SLC44A5: variants seen among roughly 807,000 people sequenced by gnomAD.
The protein encoded by SLC44A5 is solute carrier family 44 member 5, also known as choline transporter-like protein 5.
SLC44A5 carries 57 observed loss-of-function variants against 101.8 expected under a neutral mutation model. The ratio of observed to expected loss-of-function variants is 0.56; its 90% CI spans 0.45 to 0.70. The LOEUF (loss-of-function observed/expected upper bound fraction) is 0.70, where lower values mean the gene tolerates loss of function less well. SLC44A5 is among the 30% of genes least tolerant of loss of function. The probability of loss-of-function intolerance (pLI) is 0.00; values close to 1 mark genes in which losing one functional copy is unlikely to be tolerated. For missense variants in SLC44A5, 737 were observed against 853.1 expected (o/e 0.86, Z 1.70); for synonymous variants, 281 against 290.9 (o/e 0.97, Z 0.35).
the SLC44A5 span, among the ~76,000 whole-genome samples, chr1:75,617,479 G>T: frequency 6.6e-6 from 1 of 152,064 alleles, no homozygotes; most frequent in African/African-American, 2.4e-5. Flanking sequence ...TGATATGTGC[G>T]ATATCATCTC....
intron 3 of SLC44A5, among the ~76,000 whole-genome samples, chr1:75,351,868 A>AGAG (rs56821070): frequency 0.04 from 2,238 of 56,066 alleles, 14 homozygotes; most frequent in Non-Finnish European, 0.046. Flanking sequence ...AAAAAAAAAA[A>AGAG]AGAGAGAGAG....
intron 3 of SLC44A5, among the ~76,000 whole-genome samples, chr1:75,355,474 AAATT>A (rs1311161331): frequency 6.6e-6 from 1 of 152,216 alleles, no homozygotes; most frequent in Non-Finnish European, 1.5e-5. Context: ...TCATGATGTG[AAATT>A]ATTTACGATA....
At chr1:75,292,635 G>T (rs1557629827) in intron 5 of SLC44A5, among the ~76,000 whole-genome samples, 1 of 152,146 alleles carries the variant, frequency 6.6e-6, no homozygotes. Context: ...CAGTCTCAGA[G>T]GGGCAAGACT....
chr1:75,587,468 T>C (rs1674074104), intron 1 of SLC44A5, among the ~76,000 whole-genome samples: 2 of 152,186 alleles, frequency 1.3e-5, no homozygotes, highest in South Asian at 4.1e-4. Flanking sequence ...CCTGGCCAGT[T>C]CATTCATCAT....
At chr1:75,456,409 C>G (rs780315975) in intron 2 of SLC44A5, among the ~76,000 whole-genome samples, 3 of 152,134 alleles carry the variant, frequency 2.0e-5, no homozygotes, top group African/African-American at 7.2e-5. Context: ...TGCTCAGTAC[C>G]TGGGTGACAG....
At chr1:75,210,580 T>A (rs1646834544) in intron 23 of SLC44A5, among the ~76,000 whole-genome samples, 1 of 152,214 alleles carries the variant, frequency 6.6e-6, no homozygotes, top group African/African-American at 2.4e-5. Context: ...CCTTGTCATC[T>A]TGGCTTTATC....
intron 2 of SLC44A5, among the ~76,000 whole-genome samples, chr1:75,451,137 C>T (rs1052103534): frequency 3.3e-5 from 5 of 152,180 alleles, no homozygotes; most frequent in Non-Finnish European, 5.9e-5. Flanking sequence ...GGTGCTTGTG[C>T]CTGCCAGCAG....
At chr1:75,320,536 G>T (rs932782092) in intron 4 of SLC44A5, among the ~76,000 whole-genome samples, 1 of 152,088 alleles carries the variant, frequency 6.6e-6, no homozygotes, top group African/African-American at 2.4e-5. Flanking sequence ...TATACATATT[G>T]TGCCTTGTAA....
At chr1:75,303,437 T>C (rs1168889811) in intron 4 of SLC44A5, among the ~76,000 whole-genome samples, 5 of 152,178 alleles carry the variant, frequency 3.3e-5, no homozygotes, top group Non-Finnish European at 5.9e-5. Flanking sequence ...GGTTTCACCA[T>C]ATTGGCCAGG....
chr1:75,213,383 C>T (rs991416260), intron 22 of SLC44A5, among the ~76,000 whole-genome samples: 3 of 152,154 alleles, frequency 2.0e-5, no homozygotes, highest in African/African-American at 2.4e-5. Context: ...CCCCTAAATT[C>T]ATTTGCCGAA....
At chr1:75,294,410 T>C (rs1383099774) in intron 5 of SLC44A5, among the ~76,000 whole-genome samples, 2 of 152,220 alleles carry the variant, frequency 1.3e-5, no homozygotes, top group Admixed American at 6.5e-5. Context: ...CCATTACGAA[T>C]GATAGCATGG....
At chr1:75,273,257 C>G (rs1359384498) in intron 6 of SLC44A5, among the ~76,000 whole-genome samples, 1 of 152,044 alleles carries the variant, frequency 6.6e-6, no homozygotes, top group African/African-American at 2.4e-5. Context: ...TTAGTGAATT[C>G]ATTTATCGGG....
intron 5 of SLC44A5, among the ~76,000 whole-genome samples, chr1:75,290,838 A>T (rs969323741): frequency 1.3e-5 from 2 of 152,240 alleles, no homozygotes; most frequent in Admixed American, 1.3e-4. Context: ...CAAGACATTC[A>T]GCACTTCATT....
chr1:75,325,756 ATG>A (rs2100979558), intron 4 of SLC44A5, among the ~76,000 whole-genome samples: 1 of 46,008 alleles, frequency 2.2e-5, no homozygotes, highest in South Asian at 7.1e-4. Flanking sequence ...GTGTGCATGC[ATG>A]CGTGTGTGTG....
At chr1:75,289,313 A>T (rs1243138360) in intron 5 of SLC44A5, among the ~76,000 whole-genome samples, 1 of 152,222 alleles carries the variant, frequency 6.6e-6, no homozygotes, top group African/African-American at 2.4e-5. Flanking sequence ...TCTCTATTAG[A>T]GAGTCACAGT....
At chr1:75,406,447 A>G (rs1446749934) in intron 2 of SLC44A5, among the ~76,000 whole-genome samples, 3 of 152,216 alleles carry the variant, frequency 2.0e-5, no homozygotes, top group Non-Finnish European at 4.4e-5. Context: ...ATGAACATCG[A>G]TGTGAAAATC....
chr1:75,616,821 T>C, the SLC44A5 span, among the ~76,000 whole-genome samples: 1 of 152,192 alleles, frequency 6.6e-6, no homozygotes, highest in Non-Finnish European at 1.5e-5. Flanking sequence ...CCAGGATAGT[T>C]CCCTTGGGGC....
intron 17 of SLC44A5, among the ~76,000 whole-genome samples, chr1:75,218,254 T>A (rs529692376): frequency 3.9e-5 from 6 of 152,144 alleles, no homozygotes; most frequent in Admixed American, 6.6e-5. Context: ...TCATTTGGTA[T>A]CCTCCTCTAT....
chr1:75,422,610 A>G (rs1186764741), intron 2 of SLC44A5, among the ~76,000 whole-genome samples: 1 of 152,198 alleles, frequency 6.6e-6, no homozygotes, highest in African/African-American at 2.4e-5. Flanking sequence ...TATTTATATT[A>G]CCAATAGAAA....
Sources: allele counts gnomAD v4.1 joint callset (sites outside exome capture counted in the v4.1 genomes callset), GRCh38; gene constraint gnomAD v4.1.1; transcripts MANE v1.5; gene names NCBI Gene and HGNC (gene_info 2026-07-23, HGNC 2026-07-21).